The following KRT4 variants were observed in gnomAD, a reference collection of about 807,000 sequenced individuals.
The protein encoded by KRT4 is keratin, type II cytoskeletal 4.
Under a neutral mutation model 50.6 loss-of-function variants are expected in KRT4, and 47 were observed. The observed-to-expected ratio is 0.93, with a 90% CI of 0.73 to 1.18. The LOEUF (loss-of-function observed/expected upper bound fraction) is 1.18, where lower values mean the gene tolerates loss of function less well. KRT4 is among the 50% of genes most tolerant of loss of function. The probability of loss-of-function intolerance (pLI) is 0.00; values close to 1 mark genes in which losing one functional copy is unlikely to be tolerated. For synonymous variants in KRT4, 254 were observed against 251.2 expected, an observed-to-expected ratio of 1.01 and a Z score of -0.10; for missense variants, 651 against 645.7, an observed-to-expected ratio of 1.01 and a Z score of -0.09.
intron 4 of KRT4, 42 bp downstream of exon 4, chr12:52,809,341 G>A (rs774665358): frequency 9.1e-6 from 13 of 1,427,798 alleles, no homozygotes; most frequent in South Asian, 5.7e-5. Flanking sequence ...CACAGATGGG[G>A]GATTCCCTTT....
intron 3 of KRT4, 93 bp from the exon 4 acceptor site, chr12:52,809,571 A>G: frequency 1.1e-6 from 1 of 913,254 alleles, no homozygotes; most frequent in Non-Finnish European, 1.8e-6. Context: ...TCTCAGCAGC[A>G]TTTAGGAAAG....
rs369593094 is a variant in KRT4, at chr12:52,809,476, G to A, written c.741C>T (p.Asp247=). 2.4e-5 allele frequency: 38 copies of A among 1,611,084 alleles called. No homozygotes were observed. The highest frequency in any genetic ancestry group is 1.7e-4 in the Middle Eastern group (1 of 6,058). ...AENDFVVLKK[D]VDAAYLNKVE... The stretch of plus-strand genomic sequence containing the variant: ...CCTTGTTCAGGTAGGCAGCATCCAC[G>A]TCCTGCAGAGGAGTAAGGAGGATAA... Residue 247 remains aspartate, a splice_region_variant and synonymous_variant, in exon 4 of 9, where the codon GAC becomes GAT. Transcript: ENST00000551956.
Position 52,807,232 on chromosome 12 carries a change from G to T in KRT4, c.1400C>A (p.Thr467Asn). ...TCCTCCGCTGATGCCTCCAGTGCTG[G>T]TGCTACCGCTGACCACAGCTGCAGA... ...AVSISVVSGS[T>N]STGGISGGLG... Residue 467 changes from threonine to asparagine, a missense_variant, in exon 9 of 9, where the codon ACC becomes AAC. By Grantham distance (65) the Thr-to-Asn change is moderately conservative. Coordinates refer to ENST00000551956, the MANE Select transcript of KRT4 (RefSeq NM_002272.4). The T allele has an allele frequency of 6.2e-7, 1 of 1,614,202 alleles. No homozygotes were observed. Among genetic ancestry groups the T allele is most frequent in the East Asian group, 2.2e-5 (1 of 44,878 alleles).
At position 52,813,960 on chromosome 12, in the gene KRT4, G is replaced by C; in HGVS notation, c.99C>G (p.Val33=). The C allele has an allele frequency of 6.2e-7, 1 of 1,614,212 alleles. No homozygotes were observed. The highest frequency in any genetic ancestry group is 8.5e-7 in the Non-Finnish European group (1 of 1,180,054). ...GGGKRGAFSS[V]SMSGGAGRCS... ...ATCGGCCAGCACCTCCAGACATGGA[G>C]ACTGAGCTGAAGGCACCTCTCTTGC... The change falls in exon 1 of 9, where the codon GTC becomes GTG. Residue 33 remains valine (V), a synonymous_variant. Transcript: ENST00000551956.
intron 1 of KRT4, 54 bp from the exon 2 acceptor site, chr12:52,812,031 G>A: frequency 7.0e-7 from 1 of 1,421,920 alleles, no homozygotes; most frequent in South Asian, 1.2e-5. Context: ...GTGGCAGGAG[G>A]GCCAGCCAAG....
chr12:52,813,044 A>G (rs867984411), intron 1 of KRT4, among the ~76,000 whole-genome samples: 1 of 152,172 alleles, frequency 6.6e-6, no homozygotes, highest in Non-Finnish European at 1.5e-5. Flanking sequence ...TGGGCTACAA[A>G]AAGAAAAGAG....
At chr12:52,810,926 G>T (rs1030879007) in intron 2 of KRT4, 110 bp from the exon 3 acceptor site, 1 of 832,566 alleles carries the variant, frequency 1.2e-6, no homozygotes, top group Non-Finnish European at 2.1e-6. Flanking sequence ...AAATATCCAC[G>T]TAATTAGTTG....
intron 2 of KRT4, 48 bp from the exon 3 acceptor site, chr12:52,810,864 G>A (rs1265006927): frequency 6.9e-7 from 1 of 1,449,060 alleles, no homozygotes; most frequent in Non-Finnish European, 9.7e-7. Context: ...CAGTGAGCTG[G>A]TGTTTCTCAG....
chr12:52,811,441 T>G (rs563447718), intron 2 of KRT4: 14 of 355,942 alleles, frequency 3.9e-5, no homozygotes, highest in Admixed American at 3.0e-4. Flanking sequence ...GGACTCAGTA[T>G]GCAAACCACC....
intron 3 of KRT4, among the ~76,000 whole-genome samples, chr12:52,810,097 C>T (rs1392685978): frequency 6.7e-6 from 1 of 150,294 alleles, no homozygotes; most frequent in Non-Finnish European, 1.5e-5. Flanking sequence ...ACAATGGAGA[C>T]TTGAAAAAGG....
At position 52,808,890 on chromosome 12, in the gene KRT4, C is replaced by A. The variant is rs781543522; in HGVS notation, c.835-40G>T. On this transcript the variant is annotated intron_variant, in intron 4 of 8. Coordinates refer to ENST00000551956, the MANE Select transcript of KRT4 (RefSeq NM_002272.4). Reference sequence around the variant, plus strand: ...TCTCACATCAGCCCCCCCAGGAAAGCCTTCACTGACCTGATACAGGCTCAA... The same window carrying A: ...TCTCACATCAGCCCCCCCAGGAAAGACTTCACTGACCTGATACAGGCTCAA... 3 of 1,606,858 alleles carry A rather than the reference C, an allele frequency of 1.9e-6. No homozygotes were observed. In the African/African-American group the frequency reaches 4.0e-5, roughly 21 times the overall value.
Position 52,809,418 on chromosome 12 carries a change from C to G in KRT4, c.799G>C (p.Asp267His), listed in dbSNP as rs1285603504. Residue 267 changes from aspartate (D) to histidine (H), a missense_variant, in exon 4 of 9, where the codon GAC (aspartate) becomes CAC (histidine). Physicochemically the swap from Asp to His is moderately conservative, Grantham distance 81. Transcript: ENST00000551956. ...AGGACCTTCAGGAAGTTGATCTCGT[C>G]ATTAAGACTGTCCACCTTGGCCTCC... ...ELEAKVDSLN[D>H]EINFLKVLYD... The G allele has an allele frequency of 6.2e-7, 1 of 1,614,136 alleles. No homozygotes were observed. The highest frequency in any genetic ancestry group is 1.7e-5 in the Admixed American group (1 of 60,026).
At chr12:52,807,593 T>C (rs747266224) in intron 7 of KRT4, 51 bp downstream of exon 7, 3 of 1,593,024 alleles carry the variant, frequency 1.9e-6, no homozygotes, top group Non-Finnish European at 2.6e-6. Flanking sequence ...AATAAGCTCA[T>C]GGCCCTGGAC....
intron 2 of KRT4, 60 bp from the exon 3 acceptor site, chr12:52,810,876 T>A: frequency 7.3e-7 from 1 of 1,361,822 alleles, no homozygotes; most frequent in Non-Finnish European, 1.1e-6. Context: ...GTTTCTCAGA[T>A]CTCTGCTGCT....
At position 52,813,738 on chromosome 12, in the gene KRT4, C is replaced by T; in HGVS notation, c.321G>A (p.Gly107=). Residue 107 remains glycine (G), a synonymous_variant, in exon 1 of 9, where the codon GGG becomes GGA. Transcript: ENST00000551956. ...GGTTGATGGTGACCTCCTGAATTCC[C>T]CCAGCGGGGCAGACGGGGAAGCCAG... ...GGPGFPVCPA[G]GIQEVTINQS... is the part of the protein sequence containing the mutation. 9.4e-7 allele frequency: 1 copy of T among 1,059,402 alleles called. No homozygotes were observed. The highest frequency in any genetic ancestry group is 4.2e-5 in the African/African-American group (1 of 23,612). 65.6% of individuals were successfully genotyped at this position (1,059,402 alleles called of 1,614,324 possible).
chr12:52,807,414 G>A (rs749686668), intron 7 of KRT4, 21 bp from the exon 8 acceptor site: 28 of 1,613,928 alleles, frequency 1.7e-5, no homozygotes, highest in East Asian at 6.7e-5. Context: ...AAGAAAAGGC[G>A]GTGAGCCTCA....
chr12:52,810,654 G>A, intron 3 of KRT4, 102 bp downstream of exon 3: 3 of 922,436 alleles, frequency 3.3e-6, no homozygotes, highest in Non-Finnish European at 5.4e-6. Context: ...AAGTGAAGCA[G>A]GGATGAGGCA....
intron 3 of KRT4, among the ~76,000 whole-genome samples, chr12:52,810,439 CG>C (rs1364153325): frequency 2.6e-5 from 4 of 151,820 alleles, no homozygotes; most frequent in African/African-American, 9.7e-5. Context: ...CCCAGCTACT[CG>C]GGAGGCTGAG....
intron 4 of KRT4, chr12:52,809,119 A>G (rs1247985039): frequency 3.3e-6 from 2 of 613,718 alleles, no homozygotes; most frequent in Non-Finnish European, 5.8e-6. Flanking sequence ...ATTTCACCAG[A>G]AAAAAAATGC....
Sources: gnomAD v4.1 joint callset for allele counts (sites outside exome capture counted in the v4.1 genomes callset) on GRCh38, gnomAD v4.1.1 for gene constraint, MANE v1.5 for transcripts, NCBI Gene and HGNC (gene_info 2026-07-23, HGNC 2026-07-21) for gene names.